Variants in MPHOSPH10 observed in about 807,000 individuals in gnomAD.
MPHOSPH10 encodes the protein U3 small nucleolar ribonucleoprotein MPP10.
MPHOSPH10 carries 33 observed loss-of-function variants against 77.3 expected under a neutral mutation model. That is an observed-to-expected ratio of 0.43 (90% confidence interval 0.32 to 0.57). The LOEUF is 0.57. Among genes scored for constraint, MPHOSPH10 ranks in the 20% least tolerant of loss-of-function variants. The pLI, the probability that MPHOSPH10 is intolerant of heterozygous loss-of-function variation, is 0.07. For synonymous variants in MPHOSPH10, 245 were observed against 268.0 expected, an observed-to-expected ratio of 0.91 and a Z score of 0.84; for missense variants, 708 against 780.1, an observed-to-expected ratio of 0.91 and a Z score of 1.10.
At position 71,138,637 on chromosome 2, in the gene MPHOSPH10, G is replaced by T. The variant is rs1339152332; in HGVS notation, c.1240+6G>T. ...TGACCATGCTGTCCGGATGGGTATG[G>T]TGCCCTCTTCTGTAGTTTTCATGTC... is the stretch of plus-strand genomic sequence containing the variant. On this transcript the variant is annotated splice_donor_region_variant and intron_variant, in intron 5 of 10. Transcript: ENST00000244230. 11 of 1,614,100 alleles carry T rather than the reference G, an allele frequency of 6.8e-6. No homozygotes were observed. In the East Asian group the frequency reaches 2.2e-4, roughly 33 times the overall value.
intron 8 of MPHOSPH10, among the ~76,000 whole-genome samples, chr2:71,147,142 A>G (rs1024892): frequency 0.27 from 40,781 of 152,132 alleles, 6,853 homozygotes; most frequent in Middle Eastern, 0.37. Flanking sequence ...GAAATTTATC[A>G]GTAGTCTATT....
Position 71,149,848 on chromosome 2 carries a change from T to C in MPHOSPH10, c.1897-18T>C. The C allele has an allele frequency of 6.6e-7, 1 of 1,522,924 alleles. No homozygotes were observed. The allele number at this position is 1,522,924 out of a possible 1,614,324, so 94.3% of individuals were successfully genotyped here. A position where few individuals can be genotyped will look rare whatever the true frequency, so the allele number is the denominator to read the frequency against. ...AAGTACATTTTACAGCATAAGCATG[T>C]GGTGTTTTTAATTGCAGGATGAAGG... On this transcript the variant is annotated intron_variant, in intron 10 of 10. Transcript: ENST00000244230.
At chr2:71,135,600 T>C (rs1369469803) in intron 4 of MPHOSPH10, among the ~76,000 whole-genome samples, 2 of 152,118 alleles carry the variant, frequency 1.3e-5, no homozygotes, top group East Asian at 3.8e-4. Context: ...CCTAATATCT[T>C]TATATGTATA....
intron 9 of MPHOSPH10, 31 bp from the exon 10 acceptor site, chr2:71,149,192 A>G: frequency 1.3e-6 from 2 of 1,516,030 alleles, no homozygotes; most frequent in Non-Finnish European, 1.8e-6. Flanking sequence ...AACTTGATGA[A>G]TGAATATGTT....
At chr2:71,141,092 A>C (rs1406423911) in intron 6 of MPHOSPH10, 140 bp from the exon 7 acceptor site, 4 of 381,582 alleles carry the variant, frequency 1.0e-5, no homozygotes, top group African/African-American at 6.7e-5. Flanking sequence ...CAATGATATA[A>C]TTTACTATTA....
intron 5 of MPHOSPH10, 126 bp from the exon 6 acceptor site, chr2:71,139,669 G>A (rs943174624): frequency 2.4e-5 from 15 of 633,788 alleles, no homozygotes; most frequent in Non-Finnish European, 4.1e-5. Flanking sequence ...GAAGTATGGG[G>A]GTGGCCCAGG....
intron 7 of MPHOSPH10, among the ~76,000 whole-genome samples, chr2:71,143,232 C>T (rs572438976): frequency 6.6e-6 from 1 of 151,404 alleles, no homozygotes; most frequent in African/African-American, 2.4e-5. Context: ...ACGTCTGCCT[C>T]CCGGGTCCAA....
In MPHOSPH10 at chr2:71,139,833, G is replaced by A; in HGVS notation, c.1279G>A (p.Asp427Asn). ...ITEETTLQLE[D>N]IIKQRIRDQA... ...AGAGGAAACCACCCTTCAACTGGAA[G>A]ATATCATTAAACAGAGGATAAGAGA... The change falls in exon 6 of 11, where the codon GAT becomes AAT. Residue 427 changes from aspartate to asparagine, a missense_variant. Physicochemically the swap from Asp to Asn is conservative, Grantham distance 23 (BLOSUM62 1). Coordinates refer to ENST00000244230, the MANE Select transcript of MPHOSPH10 (RefSeq NM_005791.3). 1.9e-6 allele frequency: 3 copies of A among 1,609,102 alleles called. No individual in the cohort carries two copies. Among genetic ancestry groups the A allele is most frequent in the Non-Finnish European group, 2.5e-6 (3 of 1,178,132 alleles).
rs571530545 is a variant in MPHOSPH10, at chr2:71,149,781, T to C, written c.1897-85T>C. The C allele has an allele frequency of 5.2e-6, 6 of 1,154,516 alleles. No homozygotes were observed. In the African/African-American group the frequency reaches 9.3e-5, roughly 18 times the overall value. 71.5% of individuals were successfully genotyped at this position (1,154,516 alleles called of 1,614,324 possible). A position where few individuals can be genotyped will look rare whatever the true frequency, so the allele number is the denominator to read the frequency against. On this transcript the variant is annotated intron_variant, in intron 10 of 10. Transcript: ENST00000244230. ...TTTTCATATTTATGGTTGCATACATTGTTGTAATGGTGATGTACTATTTTT... is the reference window on the plus strand; with the variant it reads ...TTTTCATATTTATGGTTGCATACATCGTTGTAATGGTGATGTACTATTTTT...
intron 5 of MPHOSPH10, chr2:71,139,444 C>T (rs1177402345): frequency 2.5e-5 from 4 of 162,652 alleles, no homozygotes; most frequent in African/African-American, 9.6e-5. Context: ...ATCTCATTGA[C>T]TTCTTTCTTG....
rs568591893 is a variant in MPHOSPH10 at position 71,130,898 on chromosome 2, C to T, written c.89+144C>T. 7.5e-5 allele frequency: 55 copies of T among 733,146 alleles called. 1 individual carries two copies. The African/African-American group carries it at 9.0e-4, about 12-fold the overall frequency. The allele number at this position is 733,146 out of a possible 1,614,324, so 45.4% of individuals were successfully genotyped here. On this transcript the variant is annotated intron_variant, in intron 1 of 10. Transcript: ENST00000244230. ...CCCAAATTTCAGAGTTTATGCTTTCCTAGGCTATCAAAATTTTAAAAACTG... is the reference window on the plus strand; with the variant it reads ...CCCAAATTTCAGAGTTTATGCTTTCTTAGGCTATCAAAATTTTAAAAACTG...
At position 71,139,744 on chromosome 2, in the gene MPHOSPH10, C is replaced by A. The variant is rs751593248; in HGVS notation, c.1241-51C>A. 3.8e-6 allele frequency: 5 copies of A among 1,322,312 alleles called. No individual in the cohort carries two copies. The East Asian group carries it at 1.2e-4, about 31-fold the overall frequency. 81.9% of individuals were successfully genotyped at this position (1,322,312 alleles called of 1,614,324 possible). A position where few individuals can be genotyped will look rare whatever the true frequency, so the allele number is the denominator to read the frequency against. Reference sequence around the variant, plus strand: ...TGTGGGTCCAAGGACTGCACTGAATCAATGGTCTAGTGGATATCTACCTAA... The same window carrying A: ...TGTGGGTCCAAGGACTGCACTGAATAAATGGTCTAGTGGATATCTACCTAA... On this transcript the variant is annotated intron_variant, in intron 5 of 10. Coordinates refer to ENST00000244230, the MANE Select transcript of MPHOSPH10 (RefSeq NM_005791.3).
rs150027370 is a variant in MPHOSPH10, at chr2:71,134,105, C to T, written c.926C>T (p.Thr309Met). 12 of 1,603,080 alleles carry T rather than the reference C, an allele frequency of 7.5e-6. No individual in the cohort carries two copies. Among genetic ancestry groups the T allele is most frequent in the African/African-American group, 5.4e-5 (4 of 74,446 alleles). ...EEAEELSISE[T>M]DEDDDLQENE... is the part of the protein sequence containing the mutation. ...GCAGAAGAACTAAGTATTTCGGAAA[C>T]GTGAGTATTTTGAACCATCCTTTAC... The change falls in exon 3 of 11, where the codon ACG becomes ATG. Residue 309 changes from threonine to methionine, a missense_variant and splice_region_variant. Physicochemically the swap from Thr to Met is moderately conservative, Grantham distance 81 (BLOSUM62 -1). This residue lies in a region of MPHOSPH10 where 433 missense variants were observed against 432.6 expected (regional missense o/e 1.00). Coordinates refer to ENST00000244230, the MANE Select transcript of MPHOSPH10 (RefSeq NM_005791.3).
intron 5 of MPHOSPH10, 120 bp downstream of exon 5, chr2:71,138,751 A>T: frequency 7.4e-7 from 1 of 1,350,150 alleles, no homozygotes; most frequent in Non-Finnish European, 1.0e-6. Context: ...TTGTAAACAC[A>T]TGGCTTGGCA....
intron 4 of MPHOSPH10, among the ~76,000 whole-genome samples, chr2:71,135,478 C>T (rs951232639): frequency 6.6e-6 from 1 of 150,652 alleles, no homozygotes; most frequent in South Asian, 2.1e-4. Context: ...ACCCAGGAGG[C>T]GGAGGTTGCA....
Position 71,132,941 on chromosome 2 carries a change from G to A in MPHOSPH10, c.133G>A (p.Val45Met). The change falls in exon 2 of 11, where the codon GTG (valine) becomes ATG (methionine). Residue 45 changes from valine (V) to methionine (M), a missense_variant. Val to Met is a conservative substitution (Grantham distance 21). Coordinates refer to ENST00000244230, the MANE Select transcript of MPHOSPH10 (RefSeq NM_005791.3). Reference sequence around the variant, plus strand: ...ATCAAAGTTCACTTCTTTAACAAAAGTGCTTTATGACTTTAATAAAATATT... The same window carrying A: ...ATCAAAGTTCACTTCTTTAACAAAAATGCTTTATGACTTTAATAAAATATT... ...LASKFTSLTK[V>M]LYDFNKILEN... is the part of the protein sequence containing the mutation. 1 of 1,612,480 alleles carries A rather than the reference G, an allele frequency of 6.2e-7. No homozygotes were observed. The highest frequency in any genetic ancestry group is 8.5e-7 in the Non-Finnish European group (1 of 1,179,204).
chr2:71,133,558 T>C lies in MPHOSPH10; in HGVS notation c.750T>C (p.Phe250=). The C allele has an allele frequency of 6.3e-7, 1 of 1,583,504 alleles. No individual in the cohort carries two copies. Among genetic ancestry groups the C allele is most frequent in the South Asian group, 1.2e-5 (1 of 85,642 alleles). ...IDSDEDEGGL[F]GSKKLKSGKS... ...CTGATGAAGATGAAGGGGGACTGTT[T>C]GGAAGTAAAAAACTTAAGGTAAAGT... is the stretch of plus-strand genomic sequence containing the variant. The change falls in exon 2 of 11, where the codon TTT becomes TTC. Residue 250 remains phenylalanine (F), a synonymous_variant. Coordinates refer to ENST00000244230, the MANE Select transcript of MPHOSPH10 (RefSeq NM_005791.3).
intron 7 of MPHOSPH10, 124 bp from the exon 8 acceptor site, chr2:71,144,304 A>G (rs1673667935): frequency 2.7e-6 from 2 of 737,418 alleles, no homozygotes; most frequent in Non-Finnish European, 4.4e-6. Context: ...TGCTTTTGGA[A>G]TGTTTCTTTG....
intron 3 of MPHOSPH10, 106 bp from the exon 4 acceptor site, chr2:71,134,520 G>A (rs1278070526): frequency 3.0e-6 from 3 of 985,594 alleles, no homozygotes; most frequent in Non-Finnish European, 4.5e-6. Context: ...GTATTTGGTT[G>A]CATTAGGTAT....
Sources: allele counts gnomAD v4.1 joint callset (sites outside exome capture counted in the v4.1 genomes callset), GRCh38; gene constraint gnomAD v4.1.1; regional missense constraint gnomAD v4.1.1; transcripts MANE v1.5; gene names NCBI Gene and HGNC (gene_info 2026-07-23, HGNC 2026-07-21).